OSBPL2: variants seen among roughly 807,000 people sequenced by gnomAD.
The protein encoded by OSBPL2 is oxysterol binding protein like 2.
In OSBPL2, 18 loss-of-function variants were observed where a neutral mutation model predicts 58.4. The observed-to-expected ratio is 0.31, with a 90% CI of 0.21 to 0.46. The LOEUF is 0.46. OSBPL2 is among the 20% of genes least tolerant of loss of function. The pLI is 1.00. For missense variants in OSBPL2, 461 were observed against 616.5 expected (o/e 0.75, Z 2.67); for synonymous variants, 221 against 234.1 (o/e 0.94, Z 0.51).
At chr20:62,286,769 G>T (rs1199114080) in intron 11 of OSBPL2, 58 bp downstream of exon 11, 13 of 1,564,314 alleles carry the variant, frequency 8.3e-6, no homozygotes, top group Admixed American at 6.9e-5. Flanking sequence ...CCACCTCTGG[G>T]CCCAGCCCCA....
chr20:62,266,205 G>A (rs1232068879), intron 4 of OSBPL2, among the ~76,000 whole-genome samples: 1 of 152,196 alleles, frequency 6.6e-6, no homozygotes, highest in Non-Finnish European at 1.5e-5. Context: ...CCCTAGGTGA[G>A]GGTTGTGGAG....
intron 2 of OSBPL2, among the ~76,000 whole-genome samples, chr20:62,256,615 G>A (rs1892382050): frequency 6.6e-6 from 1 of 152,232 alleles, no homozygotes; most frequent in Non-Finnish European, 1.5e-5. Context: ...CAGCCGCAGA[G>A]TGCAGTTATT....
At chr20:62,272,818 C>T (rs1478301584) in intron 5 of OSBPL2, among the ~76,000 whole-genome samples, 4 of 152,192 alleles carry the variant, frequency 2.6e-5, no homozygotes, top group Admixed American at 6.5e-5. Flanking sequence ...ATCGCTTGTG[C>T]CCAGGAGCTA....
Position 62,294,308 on chromosome 20 carries a change from G to A in OSBPL2, c.*421G>A, listed in dbSNP as rs1983725472. 1 of 172,016 alleles carries A rather than the reference G, an allele frequency of 5.8e-6. No homozygotes were observed. Among genetic ancestry groups the A allele is most frequent in the Non-Finnish European group, 1.2e-5 (1 of 80,462 alleles). 10.7% of individuals were successfully genotyped at this position (172,016 alleles called of 1,614,324 possible). On this transcript the variant is annotated 3_prime_UTR_variant, in exon 14 of 14. Transcript: ENST00000313733. ...GCCTTTTAAACTCGAACCAGTGGGG[G>A]AAAGATGGATCTTGAAGCTAATCCT... is the stretch of plus-strand genomic sequence containing the variant.
chr20:62,276,704 G>A (rs1982405635), intron 6 of OSBPL2, among the ~76,000 whole-genome samples: 2 of 152,216 alleles, frequency 1.3e-5, no homozygotes, highest in African/African-American at 2.4e-5. Context: ...GCTGCAGGGA[G>A]CAGCCCTGCT....
At chr20:62,290,419 T>C (rs1021839343) in intron 12 of OSBPL2, among the ~76,000 whole-genome samples, 1 of 135,570 alleles carries the variant, frequency 7.4e-6, no homozygotes, top group Non-Finnish European at 1.6e-5. Context: ...GGGTTTTTTT[T>C]TTTTTTTTTT....
rs534119445 is a variant in OSBPL2 at position 62,288,700 on chromosome 20, C to A, written c.1126-507C>A. Reference sequence around the variant, plus strand: ...GCTGCGAGCCAGAAGTCAGGCAGAGCAAGGCTCTGGGAGTCCTGGGCACGG... The same window carrying A: ...GCTGCGAGCCAGAAGTCAGGCAGAGAAAGGCTCTGGGAGTCCTGGGCACGG... On this transcript the variant is annotated intron_variant, in intron 11 of 13. Coordinates refer to ENST00000313733, the MANE Select transcript of OSBPL2 (RefSeq NM_144498.4). The surrounding 1 kb of genome is among the most constrained non-coding windows in gnomAD (Gnocchi z 4.8). Among the ~76,000 whole-genome samples, 1 of 152,178 alleles carries A rather than the reference C, an allele frequency of 6.6e-6. No individual in the cohort carries two copies. The highest frequency in any genetic ancestry group is 2.4e-5 in the African/African-American group (1 of 41,424).
At chr20:62,249,748 A>C (rs1980397423) in intron 1 of OSBPL2, among the ~76,000 whole-genome samples, 1 of 151,816 alleles carries the variant, frequency 6.6e-6, no homozygotes, top group African/African-American at 2.4e-5. Context: ...CTAATTTTGT[A>C]TTTTTAGTAG....
At chr20:62,252,012 G>A (rs1568827956) in intron 1 of OSBPL2, among the ~76,000 whole-genome samples, 1 of 151,020 alleles carries the variant, frequency 6.6e-6, no homozygotes, top group Non-Finnish European at 1.5e-5. Context: ...CTCCTGTGTA[G>A]CTGGGACCAT....
In OSBPL2 at chr20:62,260,110, G is replaced by A; in HGVS notation, c.167G>A (p.Gly56Glu). ...GGGGAGAGGCCCTCTCAAGAGAACG[G>A]AATTCAGAAACACAGGTATGTTCTC... ...KTGERPSQEN[G>E]IQKHRTSLPA... The change falls in exon 3 of 14, where the codon GGA becomes GAA. Residue 56 changes from glycine to glutamate, a missense_variant. This residue lies in a region of OSBPL2 where 80 missense variants were observed against 74.8 expected (regional missense o/e 1.07). Transcript: ENST00000313733. 1 of 1,613,854 alleles carries A rather than the reference G, an allele frequency of 6.2e-7. No homozygotes were observed. The highest frequency in any genetic ancestry group is 8.5e-7 in the Non-Finnish European group (1 of 1,179,936).
Position 62,259,365 on chromosome 20 carries a change from G to A in OSBPL2, c.38-616G>A, listed in dbSNP as rs77408375. ...TCTCCAGGACTTTTGCTCCAGGAGT[G>A]CATGCATGGCTGGATCTCACTCACA... On this transcript the variant is annotated intron_variant, in intron 2 of 13. Coordinates refer to ENST00000313733, the MANE Select transcript of OSBPL2 (RefSeq NM_144498.4). The A allele has an allele frequency of 8.9e-3, 1,356 of 152,482 alleles. 6 individuals carry two copies. Among genetic ancestry groups the A allele is most frequent in the Non-Finnish European group, 0.015 (995 of 68,156 alleles). The allele number at this position is 152,482 out of a possible 1,614,324, so 9.4% of individuals were successfully genotyped here.
In OSBPL2 at chr20:62,283,128, G is replaced by A. The variant is rs1252091038; in HGVS notation, c.873-918G>A. Among the ~76,000 whole-genome samples, 3 of 152,228 alleles carry A rather than the reference G, an allele frequency of 2.0e-5. No individual in the cohort carries two copies. The East Asian group carries it at 5.8e-4, about 29-fold the overall frequency. On this transcript the variant is annotated intron_variant, in intron 9 of 13. Transcript: ENST00000313733. ...ACTCGCTGACCCTCAGTGAGTGCAT[G>A]TAAAACATGTTTTTCCAGAACCGGG...
At chr20:62,262,461 A>G (rs146528203) in intron 3 of OSBPL2, among the ~76,000 whole-genome samples, 42 of 152,332 alleles carry the variant, frequency 2.8e-4, no homozygotes, top group African/African-American at 9.9e-4. Flanking sequence ...GACCTTCTGC[A>G]GAGCCACTTT....
rs191232866 is a variant in OSBPL2, at chr20:62,280,707, G to A, written c.675-351G>A. On this transcript the variant is annotated intron_variant, in intron 7 of 13. Coordinates refer to ENST00000313733, the MANE Select transcript of OSBPL2 (RefSeq NM_144498.4). ...CATGTGCCAGCTCCCCAGAAAGCCAGGGCCGCATGCCCAGGACCCTGCATT... is the reference window on the plus strand; with the variant it reads ...CATGTGCCAGCTCCCCAGAAAGCCAAGGCCGCATGCCCAGGACCCTGCATT... Among the ~76,000 whole-genome samples the A allele has an allele frequency of 4.6e-5, 7 of 152,354 alleles. No individual in the cohort carries two copies. In the East Asian group the frequency reaches 1.4e-3, roughly 29 times the overall value.
chr20:62,263,535 A>G (rs536440376), intron 3 of OSBPL2, 81 bp from the exon 4 acceptor site: 51 of 1,098,462 alleles, frequency 4.6e-5, no homozygotes, highest in Non-Finnish European at 6.9e-5. Flanking sequence ...TTAAAGAGAA[A>G]TCGTCATTGA....
intron 6 of OSBPL2, among the ~76,000 whole-genome samples, chr20:62,273,712 T>C (rs946257672): frequency 6.6e-6 from 1 of 152,216 alleles, no homozygotes; most frequent in Non-Finnish European, 1.5e-5. Context: ...GTCTGTGAAA[T>C]GTGTAGGATT....
In OSBPL2 at chr20:62,251,865, C is replaced by CTTTTTTTTTTTTTTTTTT. The variant is rs147891445; in HGVS notation, c.-128-4178_-128-4161dup. Among the ~76,000 whole-genome samples the CTTTTTTTTTTTTTTTTTT allele has an allele frequency of 7.2e-5, 3 of 41,738 alleles. 1 individual carries two copies. The highest frequency in any genetic ancestry group is 1.2e-4 in the Non-Finnish European group (3 of 25,256). The allele number at this position is 41,738 out of a possible 152,430, so 27.4% of individuals were successfully genotyped here. On this transcript the variant is annotated intron_variant, in intron 1 of 13. Coordinates refer to ENST00000313733, the MANE Select transcript of OSBPL2 (RefSeq NM_144498.4). ...TCAAGCGTCATTTTAATTGGTATGC[C>CTTTTTTTTTTTTTTTTTT]TTTTTTTTTTTTTTTTTTTTTTTTT...
At chr20:62,243,861 A>T (rs1009519238) in intron 1 of OSBPL2, among the ~76,000 whole-genome samples, 2 of 8,114 alleles carry the variant, frequency 2.5e-4, no homozygotes, top group Non-Finnish European at 4.4e-4. Context: ...AATTAAAAAA[A>T]AATTTTTTTT....
intron 3 of OSBPL2, among the ~76,000 whole-genome samples, chr20:62,261,442 A>G (rs1309867108): frequency 6.6e-6 from 1 of 151,904 alleles, no homozygotes; most frequent in Non-Finnish European, 1.5e-5. Flanking sequence ...TCTCAGCTCC[A>G]GGGAGCTGCT....
Sources: gnomAD v4.1 joint callset for allele counts (sites outside exome capture counted in the v4.1 genomes callset) on GRCh38, gnomAD v4.1.1 for gene constraint, gnomAD v4.1.1 regional missense constraint, Gnocchi (gnomAD v3.1) non-coding constraint, MANE v1.5 for transcripts, NCBI Gene and HGNC (gene_info 2026-07-23, HGNC 2026-07-21) for gene names.